The following EXOC6 variants were observed in gnomAD, a reference collection of about 807,000 sequenced individuals.
EXOC6 encodes SEC15-like 1.
Under a neutral mutation model 112.5 loss-of-function variants are expected in EXOC6, and 60 were observed. That is an observed-to-expected ratio of 0.53 (90% CI 0.43 to 0.66). EXOC6 has a LOEUF of 0.66. Among genes scored for constraint, EXOC6 ranks in the 30% least tolerant of loss-of-function variants. The pLI is 0.00. For synonymous variants in EXOC6, 295 were observed against 308.0 expected (o/e 0.96, Z 0.44); for missense variants, 855 against 957.1 (o/e 0.89, Z 1.41).
At chr10:92,943,051 T>C (rs1047885077) in intron 13 of EXOC6, among the ~76,000 whole-genome samples, 1 of 151,836 alleles carries the variant, frequency 6.6e-6, no homozygotes, top group African/African-American at 2.4e-5. Context: ...AGACGGAGTC[T>C]TGCACTGTCA....
intron 18 of EXOC6, among the ~76,000 whole-genome samples, chr10:92,991,949 T>C (rs1246399732): frequency 6.6e-6 from 1 of 152,048 alleles, no homozygotes; most frequent in Non-Finnish European, 1.5e-5. Flanking sequence ...AAATAGAGTA[T>C]AAGAGGAATA....
chr10:92,975,646 C>G (rs1469666648), intron 18 of EXOC6, among the ~76,000 whole-genome samples: 1 of 129,510 alleles, frequency 7.7e-6, no homozygotes, highest in African/African-American at 3.0e-5. Flanking sequence ...GGCCAGCCAC[C>G]CCGTCCGGGA....
intron 20 of EXOC6, among the ~76,000 whole-genome samples, chr10:93,039,339 C>T (rs933589043): frequency 3.9e-5 from 6 of 152,072 alleles, no homozygotes; most frequent in African/African-American, 7.2e-5. Flanking sequence ...TTTGTGTTTT[C>T]GTAAATGTCA....
intron 1 of EXOC6, among the ~76,000 whole-genome samples, chr10:92,858,596 TA>T (rs1234987086): frequency 2.6e-5 from 4 of 152,000 alleles, no homozygotes; most frequent in Non-Finnish European, 2.9e-5. Flanking sequence ...TTCCAATTAT[TA>T]AAAAAAATAA....
At chr10:92,991,326 C>T (rs1843236102) in intron 18 of EXOC6, among the ~76,000 whole-genome samples, 1 of 151,234 alleles carries the variant, frequency 6.6e-6, no homozygotes, top group Admixed American at 6.6e-5. Context: ...GTCACAGCTA[C>T]TCGGGAGGCT....
intron 6 of EXOC6, among the ~76,000 whole-genome samples, chr10:92,912,981 A>T (rs1047442966): frequency 2.0e-5 from 3 of 152,230 alleles, no homozygotes; most frequent in Middle Eastern, 3.4e-3. Context: ...AACCTCCCTG[A>T]CTGCACGTCC....
intron 1 of EXOC6, among the ~76,000 whole-genome samples, chr10:92,870,426 A>G (rs188874679): frequency 6.6e-6 from 1 of 152,298 alleles, no homozygotes; most frequent in East Asian, 1.9e-4. Flanking sequence ...GATTGAATTT[A>G]TTAATGGATT....
chr10:92,855,699 A>G (rs1365655982), intron 1 of EXOC6, among the ~76,000 whole-genome samples: 1 of 151,906 alleles, frequency 6.6e-6, no homozygotes, highest in Admixed American at 6.6e-5. Context: ...ATAATTGCTC[A>G]TAACTTTTTC....
intron 4 of EXOC6, among the ~76,000 whole-genome samples, chr10:92,899,383 G>T (rs1564812584): frequency 6.6e-6 from 1 of 152,118 alleles, no homozygotes; most frequent in African/African-American, 2.4e-5. Context: ...GTATATATGT[G>T]TGTGTGTGTA....
At chr10:92,831,304 G>A, upstream of EXOC6, 1 of 1,288,558 alleles carries the variant, frequency 7.8e-7, no homozygotes, top group South Asian at 1.2e-5. Context: ...TGAGCCGGCT[G>A]TACCGGAAGA....
At chr10:92,837,959 T>G (rs936628274) in intron 1 of EXOC6, among the ~76,000 whole-genome samples, 1 of 152,188 alleles carries the variant, frequency 6.6e-6, no homozygotes, top group Non-Finnish European at 1.5e-5. Flanking sequence ...AATCCTGAAC[T>G]CTGTTAGCTT....
In EXOC6 at chr10:92,999,444, A is replaced by T. The variant is rs980287286; in HGVS notation, c.2095+1829A>T. ...GAAACTGGTTTCTTAAGTTTCTTTA[A>T]AAGTTGTCTTATGAGATCATTCCAG... is the stretch of plus-strand genomic sequence containing the variant. On this transcript the variant is annotated intron_variant, in intron 19 of 21. Transcript: ENST00000260762. 5 of 299,624 alleles carry T rather than the reference A, an allele frequency of 1.7e-5. No homozygotes were observed. In the East Asian group the frequency reaches 5.6e-4, roughly 33 times the overall value. 18.6% of individuals were successfully genotyped at this position (299,624 alleles called of 1,614,324 possible).
chr10:92,840,899 C>T (rs1320680430), intron 1 of EXOC6, among the ~76,000 whole-genome samples: 2 of 152,148 alleles, frequency 1.3e-5, no homozygotes, highest in African/African-American at 2.4e-5. Flanking sequence ...CTCCAGAAAT[C>T]CGCCTGCCTT....
chr10:92,912,982 C>T (rs2133883631), intron 6 of EXOC6, among the ~76,000 whole-genome samples: 1 of 152,322 alleles, frequency 6.6e-6, no homozygotes, highest in South Asian at 2.1e-4. Context: ...ACCTCCCTGA[C>T]TGCACGTCCA....
At chr10:92,919,621 C>A (rs1446249164) in intron 7 of EXOC6, among the ~76,000 whole-genome samples, 6 of 151,952 alleles carry the variant, frequency 3.9e-5, no homozygotes, top group Non-Finnish European at 7.4e-5. Flanking sequence ...TTGTCTATAG[C>A]CAAATCATGA....
chr10:92,949,762 T>G (rs1564855252), intron 14 of EXOC6, among the ~76,000 whole-genome samples: 1 of 152,070 alleles, frequency 6.6e-6, no homozygotes, highest in Non-Finnish European at 1.5e-5. Flanking sequence ...CCAGCTAATT[T>G]TGTAATTTTT....
chr10:93,008,260 T>C (rs572321773), intron 19 of EXOC6, among the ~76,000 whole-genome samples: 5 of 152,224 alleles, frequency 3.3e-5, no homozygotes, highest in African/African-American at 1.2e-4. Context: ...ATTTTGTTTA[T>C]TAAAAAGGAA....
chr10:92,959,410 A>G (rs1284877145), intron 17 of EXOC6, among the ~76,000 whole-genome samples: 1 of 152,172 alleles, frequency 6.6e-6, no homozygotes, highest in Non-Finnish European at 1.5e-5. Flanking sequence ...AGAAGATAAC[A>G]TAGGAGAAAA....
chr10:92,896,581 T>C (rs527887559), intron 4 of EXOC6, among the ~76,000 whole-genome samples: 2 of 138,192 alleles, frequency 1.4e-5, no homozygotes, highest in African/African-American at 5.6e-5. Flanking sequence ...CTAAAAAAAT[T>C]GTAGTATTAT....
Sources: allele counts gnomAD v4.1 joint callset (sites outside exome capture counted in the v4.1 genomes callset), GRCh38; gene constraint gnomAD v4.1.1; transcripts MANE v1.5; gene names NCBI Gene and HGNC (gene_info 2026-07-23, HGNC 2026-07-21).